Variants in PTGDR observed in about 807,000 individuals in gnomAD.
PTGDR encodes prostaglandin D2 receptor.
In PTGDR, 19 loss-of-function variants were observed where a neutral mutation model predicts 17.4. The observed-to-expected ratio is 1.09, with a 90% CI of 0.76 to 1.60. The LOEUF is 1.60. Among genes scored for constraint, PTGDR ranks in the 40% most tolerant of loss-of-function variants. The pLI is 0.00. For missense variants in PTGDR, 526 were observed against 481.9 expected (o/e 1.09, Z -0.86); for synonymous variants, 267 against 224.2 (o/e 1.19, Z -1.71).
At chr14:52,269,970 C>T (rs945734967) in intron 1 of PTGDR, among the ~76,000 whole-genome samples, 2 of 152,142 alleles carry the variant, frequency 1.3e-5, no homozygotes, top group South Asian at 2.1e-4. Context: ...AATTTTCATT[C>T]TTAACAAGTT....
rs1405136571 is a variant in PTGDR at position 52,275,479 on chromosome 14, T to A, written c.*515T>A. ...CCAATTGATCTAAGCATAGCCTGAA[T>A]TATGATGTTCCTCAGAGAAGTGAGG... On this transcript the variant is annotated 3_prime_UTR_variant, in exon 2 of 2. Coordinates refer to ENST00000306051, the MANE Select transcript of PTGDR (RefSeq NM_000953.3). The A allele has an allele frequency of 1.3e-5, 2 of 154,408 alleles. No homozygotes were observed. Among genetic ancestry groups the A allele is most frequent in the Non-Finnish European group, 2.9e-5 (2 of 69,584 alleles). The allele number at this position is 154,408 out of a possible 1,614,324, so 9.6% of individuals were successfully genotyped here. A position where few individuals can be genotyped will look rare whatever the true frequency, so the allele number is the denominator to read the frequency against.
At chr14:52,269,073 C>T (rs2033275591) in intron 1 of PTGDR, among the ~76,000 whole-genome samples, 1 of 152,140 alleles carries the variant, frequency 6.6e-6, no homozygotes. Context: ...TTTTGTTAGA[C>T]CTGCTCATGA....
Position 52,267,912 on chromosome 14 carries a change from G to A in PTGDR, c.98G>A (p.Gly33Asp), listed in dbSNP as rs758233951. ...GGVLFSTGLLGNLLALGLLAR... is the reference protein window; with the variant it reads ...GGVLFSTGLLDNLLALGLLAR... ...GTGCTCTTCAGCACCGGCCTCCTGG[G>A]CAACCTGCTGGCCCTGGGGCTGCTG... Residue 33 changes from glycine to aspartate, a missense_variant, in exon 1 of 2, where the codon GGC becomes GAC. Transcript: ENST00000306051. The A allele has an allele frequency of 1.2e-6, 2 of 1,610,102 alleles. No individual in the cohort carries two copies. Among genetic ancestry groups the A allele is most frequent in the Non-Finnish European group, 1.7e-6 (2 of 1,178,614 alleles).
chr14:52,271,171 C>T (rs1327705172), intron 1 of PTGDR, among the ~76,000 whole-genome samples: 1 of 152,178 alleles, frequency 6.6e-6, no homozygotes, highest in Non-Finnish European at 1.5e-5. Flanking sequence ...TTTGAAATTA[C>T]ATACATAATA....
At position 52,268,320 on chromosome 14, in the gene PTGDR, TGGGCTTCG is replaced by T. The variant is rs1015294143; in HGVS notation, c.509_516del (p.Gly170GlufsTer119). On this transcript the variant is annotated frameshift_variant, in exon 1 of 2. Transcript: ENST00000306051. LOFTEE classifies it high-confidence loss of function. ...CTGGCTTTCTGCGCGCTACCTTTCA[TGGGCTTCG>T]GGAAGTTCGTGCAGTACTGCCCCGG... 1 of 1,613,766 alleles carries T rather than the reference TGGGCTTCG, an allele frequency of 6.2e-7. No homozygotes were observed. Among genetic ancestry groups the T allele is most frequent in the Non-Finnish European group, 8.5e-7 (1 of 1,180,040 alleles).
At position 52,273,851 on chromosome 14, in the gene PTGDR, AAAAG is replaced by A. The variant is rs887068657; in HGVS notation, c.847-876_847-873del. Among the ~76,000 whole-genome samples the A allele has an allele frequency of 2.0e-4, 31 of 152,182 alleles. 1 individual carries two copies. The highest frequency in any genetic ancestry group is 7.0e-4 in the African/African-American group (29 of 41,430). ...TGTAGGCATAGAGAATGTAATGGAAAAAAGAAAAAAGTGGCCAGCCTTAGGCAGA... is the reference window on the plus strand; with the variant it reads ...TGTAGGCATAGAGAATGTAATGGAAAAAAAAAGTGGCCAGCCTTAGGCAGA... On this transcript the variant is annotated intron_variant, in intron 1 of 1. Coordinates refer to ENST00000306051, the MANE Select transcript of PTGDR (RefSeq NM_000953.3).
downstream of PTGDR, among the ~76,000 whole-genome samples, chr14:52,279,961 A>G (rs370267801): frequency 2.6e-5 from 4 of 152,136 alleles, no homozygotes; most frequent in Admixed American, 6.5e-5. Flanking sequence ...TAGGCAAAGC[A>G]TAGGGTCCTA....
chr14:52,270,941 A>T (rs139827483), intron 1 of PTGDR, among the ~76,000 whole-genome samples: 8 of 152,338 alleles, frequency 5.3e-5, no homozygotes, highest in Admixed American at 1.3e-4. Flanking sequence ...AAGATTTTCC[A>T]AAAAAACTAG....
downstream of PTGDR, among the ~76,000 whole-genome samples, chr14:52,279,519 G>C (rs1159657315): frequency 6.6e-6 from 1 of 152,260 alleles, no homozygotes; most frequent in South Asian, 2.1e-4. Flanking sequence ...GTGAGGCTAG[G>C]ATTGCTGGTC....
chr14:52,271,204 G>A (rs2033317174), intron 1 of PTGDR, among the ~76,000 whole-genome samples: 1 of 152,094 alleles, frequency 6.6e-6, no homozygotes, highest in Non-Finnish European at 1.5e-5. Context: ...ACCTAGCCCA[G>A]TGTCTTGCCT....
chr14:52,268,515 GGCACCCGCGCTCCT>G lies in PTGDR; in HGVS notation c.707_720del (p.Pro236GlnfsTer51). On this transcript the variant is annotated frameshift_variant, in exon 1 of 2. Coordinates refer to ENST00000306051, the MANE Select transcript of PTGDR (RefSeq NM_000953.3). LOFTEE classifies it high-confidence loss of function. ...TATGCGATGCACCGGCGGCTGCAGCGGCACCCGCGCTCCTGCACCAGGGACTGTGCCGAGCCGCG... is the reference window on the plus strand; with the variant it reads ...TATGCGATGCACCGGCGGCTGCAGCGGCACCAGGGACTGTGCCGAGCCGCG... 1 of 1,611,514 alleles carries G rather than the reference GGCACCCGCGCTCCT, an allele frequency of 6.2e-7. No individual in the cohort carries two copies. Among genetic ancestry groups the G allele is most frequent in the Non-Finnish European group, 8.5e-7 (1 of 1,179,690 alleles).
rs200409105 is a variant in PTGDR, at chr14:52,268,498, G to A, written c.684G>A (p.Met228Ile). The change falls in exon 1 of 2, where the codon ATG (methionine) becomes ATA (isoleucine). Residue 228 changes from methionine (M) to isoleucine (I), a missense_variant. Transcript: ENST00000306051. ...NLGAMRNLYA[M>I]HRRLQRHPRS... is the part of the protein sequence containing the mutation. ...GCGCCATGCGCAACCTCTATGCGAT[G>A]CACCGGCGGCTGCAGCGGCACCCGC... 6 of 1,610,702 alleles carry A rather than the reference G, an allele frequency of 3.7e-6. No homozygotes were observed. The highest frequency in any genetic ancestry group is 5.1e-6 in the Non-Finnish European group (6 of 1,179,798).
chr14:52,275,221 A>T lies in PTGDR; in HGVS notation c.*257A>T. 2.6e-6 allele frequency: 1 copy of T among 379,366 alleles called. No homozygotes were observed. Among genetic ancestry groups the T allele is most frequent in the Non-Finnish European group, 4.7e-6 (1 of 211,096 alleles). The allele number at this position is 379,366 out of a possible 1,614,324, so 23.5% of individuals were successfully genotyped here. On this transcript the variant is annotated 3_prime_UTR_variant, in exon 2 of 2. Transcript: ENST00000306051. ...TTTATATATTGTAACCAGTGTTAAA[A>T]GTCTTAAAAAACAATGGTATTAATT...
Position 52,267,727 on chromosome 14 carries a change from G to A in PTGDR, c.-88G>A, listed in dbSNP as rs1183307698. The A allele has an allele frequency of 2.8e-6, 4 of 1,441,052 alleles. No homozygotes were observed. Among genetic ancestry groups the A allele is most frequent in the Non-Finnish European group, 2.7e-6 (3 of 1,103,542 alleles). 89.3% of individuals were successfully genotyped at this position (1,441,052 alleles called of 1,614,324 possible). A position where few individuals can be genotyped will look rare whatever the true frequency, so the allele number is the denominator to read the frequency against. On this transcript the variant is annotated 5_prime_UTR_variant, in exon 1 of 2. Transcript: ENST00000306051. ...CGCAGCTTCTCCGCCCGAGCCGCGC[G>A]CGGAGCTGCCGGGGGCTCCTTAGCA...
At chr14:52,278,961 T>C (rs954170909), downstream of PTGDR, among the ~76,000 whole-genome samples, 1 of 152,202 alleles carries the variant, frequency 6.6e-6, no homozygotes, top group African/African-American at 2.4e-5. Flanking sequence ...TTTTAAACTT[T>C]CATAATTTGA....
In PTGDR at chr14:52,274,791, G is replaced by C; in HGVS notation, c.907G>C (p.Ala303Pro). 1.2e-6 allele frequency: 2 copies of C among 1,613,924 alleles called. No homozygotes were observed. The highest frequency in any genetic ancestry group is 1.7e-6 in the Non-Finnish European group (2 of 1,179,788). Residue 303 changes from alanine (A) to proline (P), a missense_variant, in exon 2 of 2, where the codon GCA becomes CCA. By Grantham distance (27) the Ala-to-Pro change is conservative (BLOSUM62 -1). Transcript: ENST00000306051. ...GGAGAAAAACAGGACCTCTGAAGAA[G>C]CAGAAGACCTCCGAGCCTTGCGATT... Reference protein sequence around the residue: ...VKEKNRTSEEAEDLRALRFLS... With the variant: ...VKEKNRTSEEPEDLRALRFLS...
At chr14:52,272,390 C>T (rs1356156859) in intron 1 of PTGDR, among the ~76,000 whole-genome samples, 1 of 151,822 alleles carries the variant, frequency 6.6e-6, no homozygotes, top group Non-Finnish European at 1.5e-5. Context: ...TTGCTTGGGC[C>T]CAGAAGGTCA....
chr14:52,267,885 G>A lies in PTGDR; in HGVS notation c.71G>A (p.Gly24Glu). Residue 24 changes from glycine (G) to glutamate (E), a missense_variant, in exon 1 of 2, where the codon GGG (glycine) becomes GAG (glutamate). Transcript: ENST00000306051. ...VEKGNSAVMG[G>E]VLFSTGLLGN... ...AAAGGCAACTCGGCGGTGATGGGCG[G>A]GGTGCTCTTCAGCACCGGCCTCCTG... 1 of 1,606,254 alleles carries A rather than the reference G, an allele frequency of 6.2e-7. No homozygotes were observed. The highest frequency in any genetic ancestry group is 8.5e-7 in the Non-Finnish European group (1 of 1,175,696).
At position 52,274,814 on chromosome 14, in the gene PTGDR, AT is replaced by A; in HGVS notation, c.933del (p.Leu312TyrfsTer3). On this transcript the variant is annotated frameshift_variant, in exon 2 of 2. Coordinates refer to ENST00000306051, the MANE Select transcript of PTGDR (RefSeq NM_000953.3). LOFTEE classifies it high-confidence loss of function. The stretch of plus-strand genomic sequence containing the variant: ...AAGCAGAAGACCTCCGAGCCTTGCG[AT>A]TTCTATCTGTGATTTCAATTGTGGA... Reference protein sequence around the residue: ...EEAEDLRALRFLSVISIVDPW... With the variant: ...EEAEDLRALRXLSVISIVDPW... 1.2e-6 allele frequency: 2 copies of A among 1,613,216 alleles called. No homozygotes were observed. The highest frequency in any genetic ancestry group is 1.7e-6 in the Non-Finnish European group (2 of 1,179,172).
Sources: gnomAD v4.1 joint callset for allele counts (sites outside exome capture counted in the v4.1 genomes callset) on GRCh38, gnomAD v4.1.1 for gene constraint, MANE v1.5 for transcripts, NCBI Gene and HGNC (gene_info 2026-07-23, HGNC 2026-07-21) for gene names.